NFIA: variants seen among roughly 807,000 people sequenced by gnomAD.
NFIA encodes nuclear factor I A, also known as nuclear factor 1 A-type.
In NFIA, 8 loss-of-function variants were observed where a neutral mutation model predicts 62.8. The observed-to-expected ratio is 0.13, with a 90% CI of 0.07 to 0.23. The LOEUF (loss-of-function observed/expected upper bound fraction) is 0.23. Among genes scored for constraint, NFIA ranks in the 10% least tolerant of loss-of-function variants. The pLI, the probability that NFIA is intolerant of heterozygous loss-of-function variation, is 1.00. For synonymous variants in NFIA, 235 were observed against 238.1 expected (o/e 0.99, Z 0.12); for missense variants, 410 against 642.1 (o/e 0.64, Z 3.91).
At chr1:61,111,474 A>G (rs1480041901) in intron 2 of NFIA, among the ~76,000 whole-genome samples, 1 of 152,200 alleles carries the variant, frequency 6.6e-6, no homozygotes, top group Admixed American at 6.5e-5. Flanking sequence ...AAACAGCTGT[A>G]GACGTTCAAA....
chr1:61,124,413 A>C (rs1646935312), intron 2 of NFIA, among the ~76,000 whole-genome samples: 2 of 152,196 alleles, frequency 1.3e-5, no homozygotes, highest in Admixed American at 6.5e-5. Flanking sequence ...ATGGGTGCAC[A>C]AAAACAGGAA....
intron 2 of NFIA, among the ~76,000 whole-genome samples, chr1:61,199,188 T>C (rs766795916): frequency 2.4e-4 from 36 of 152,222 alleles, no homozygotes; most frequent in Non-Finnish European, 3.1e-4. Flanking sequence ...TTTGTGAATA[T>C]GTTTAGCTCT....
chr1:61,445,915 G>T (rs1042886103), intron 10 of NFIA, among the ~76,000 whole-genome samples: 1 of 152,076 alleles, frequency 6.6e-6, no homozygotes, highest in Non-Finnish European at 1.5e-5. Flanking sequence ...CTAGGATTTA[G>T]ATCTCTGACT....
intron 9 of NFIA, among the ~76,000 whole-genome samples, chr1:61,415,184 G>A (rs1666294849): frequency 6.6e-6 from 1 of 152,094 alleles, no homozygotes; most frequent in Non-Finnish European, 1.5e-5. Context: ...AGTATATTGG[G>A]ACAGTCTGGA....
Position 61,082,591 on chromosome 1 carries a change from T to C in NFIA, c.-201T>C, listed in dbSNP as rs1303657766. On this transcript the variant is annotated 5_prime_UTR_variant, in exon 1 of 11. An upstream open reading frame in the 5' UTR loses its in-frame stop. Coordinates refer to ENST00000403491, the MANE Select transcript of NFIA (RefSeq NM_001134673.4). ...TAAAGTTCAGCTCATGGAGCGGCAA[T>C]AGCGCTGGCTGGCTGGCTGCAGTTG... 8.8e-6 allele frequency: 13 copies of C among 1,485,494 alleles called. No individual in the cohort carries two copies. Among genetic ancestry groups the C allele is most frequent in the Non-Finnish European group, 1.2e-5 (13 of 1,113,750 alleles). 92.0% of individuals were successfully genotyped at this position (1,485,494 alleles called of 1,614,324 possible).
intron 2 of NFIA, among the ~76,000 whole-genome samples, chr1:61,131,105 T>C (rs1647064560): frequency 6.6e-6 from 1 of 151,362 alleles, no homozygotes; most frequent in Non-Finnish European, 1.5e-5. Context: ...TTAATTAAAA[T>C]ATAAAATGTG....
chr1:61,186,498 A>G (rs1651190457), intron 2 of NFIA, among the ~76,000 whole-genome samples: 1 of 152,192 alleles, frequency 6.6e-6, no homozygotes, highest in South Asian at 2.1e-4. Flanking sequence ...TAAATCGTTC[A>G]GTCAGTGGAA....
intron 2 of NFIA, among the ~76,000 whole-genome samples, chr1:61,137,890 A>G (rs759272523): frequency 2.6e-5 from 4 of 151,990 alleles, no homozygotes; most frequent in Non-Finnish European, 5.9e-5. Flanking sequence ...GCATGTAAAA[A>G]TTAAACACTG....
chr1:61,085,211 G>T (rs975820600), intron 1 of NFIA, among the ~76,000 whole-genome samples: 10 of 151,612 alleles, frequency 6.6e-5, no homozygotes, highest in African/African-American at 2.4e-4. Flanking sequence ...ACTTTACCAA[G>T]AAAAACCTAG....
intron 2 of NFIA, among the ~76,000 whole-genome samples, chr1:61,205,488 G>A (rs1375076237): frequency 6.6e-6 from 1 of 152,154 alleles, no homozygotes; most frequent in Non-Finnish European, 1.5e-5. Flanking sequence ...GGTGCTCCTG[G>A]CTGTGGCCTA....
At chr1:61,343,879 A>G (rs1237312706) in intron 4 of NFIA, among the ~76,000 whole-genome samples, 1 of 152,228 alleles carries the variant, frequency 6.6e-6, no homozygotes, top group East Asian at 1.9e-4. Flanking sequence ...GCAGTCTGCT[A>G]TCTGCAGGGT....
intron 2 of NFIA, among the ~76,000 whole-genome samples, chr1:61,159,512 A>AC (rs891508424): frequency 5.3e-5 from 8 of 152,054 alleles, no homozygotes; most frequent in African/African-American, 1.7e-4. Flanking sequence ...CTCTGACCAC[A>AC]CCCTGAGTAG....
At chr1:61,314,819 T>G (rs573938049) in intron 3 of NFIA, among the ~76,000 whole-genome samples, 3 of 152,320 alleles carry the variant, frequency 2.0e-5, no homozygotes, top group South Asian at 2.1e-4. Context: ...GTGGTGACAT[T>G]TGAACTGGAT....
intron 3 of NFIA, among the ~76,000 whole-genome samples, chr1:61,286,799 T>C (rs1226072640): frequency 1.3e-5 from 2 of 152,208 alleles, no homozygotes; most frequent in African/African-American, 4.8e-5. Flanking sequence ...TACTGTCTTA[T>C]AAAGGGTGGT....
intron 2 of NFIA, among the ~76,000 whole-genome samples, chr1:61,172,364 T>C (rs1456721209): frequency 6.6e-6 from 1 of 152,224 alleles, no homozygotes; most frequent in Non-Finnish European, 1.5e-5. Flanking sequence ...GATGTATTTT[T>C]TAAAATACAA....
chr1:61,251,751 T>C (rs757500233), intron 2 of NFIA, among the ~76,000 whole-genome samples: 3 of 152,180 alleles, frequency 2.0e-5, no homozygotes, highest in Non-Finnish European at 4.4e-5. Context: ...ACACAGTGCC[T>C]CTAATTTTAA....
intron 4 of NFIA, among the ~76,000 whole-genome samples, chr1:61,349,720 A>T (rs184349580): frequency 1.3e-5 from 2 of 152,226 alleles, no homozygotes; most frequent in African/African-American, 4.8e-5. Flanking sequence ...GACTACAGGC[A>T]CGTGTCACTA....
At chr1:61,434,252 A>G (rs1667232123) in intron 10 of NFIA, among the ~76,000 whole-genome samples, 1 of 152,074 alleles carries the variant, frequency 6.6e-6, no homozygotes, top group Admixed American at 6.5e-5. Context: ...GTGCCTGGTC[A>G]TTTTTTCTCG....
At chr1:61,153,681 A>G (rs976942541) in intron 2 of NFIA, among the ~76,000 whole-genome samples, 2 of 152,240 alleles carry the variant, frequency 1.3e-5, no homozygotes, top group African/African-American at 4.8e-5. Flanking sequence ...TTGATATATG[A>G]AAAATAGTTC....
Sources: gnomAD v4.1 joint callset for allele counts (sites outside exome capture counted in the v4.1 genomes callset) on GRCh38, gnomAD v4.1.1 for gene constraint, MANE v1.5 for transcripts, NCBI Gene and HGNC (gene_info 2026-07-23, HGNC 2026-07-21) for gene names.